GABRR1: variants seen among roughly 807,000 people sequenced by gnomAD.
GABRR1 encodes gamma-aminobutyric acid type A receptor subunit rho1, also known as gamma-aminobutyric acid receptor subunit rho-1.
Under a neutral mutation model 55.5 loss-of-function variants are expected in GABRR1, and 59 were observed. The ratio of observed to expected loss-of-function variants is 1.06; its 90% confidence interval spans 0.86 to 1.32. GABRR1 has a LOEUF of 1.32. GABRR1 is among the 40% of genes most tolerant of loss of function. The pLI, the probability that GABRR1 is intolerant of heterozygous loss-of-function variation, is 0.00. For missense variants in GABRR1, 602 were observed against 619.1 expected, an observed-to-expected ratio of 0.97 and a Z score of 0.29; for synonymous variants, 213 against 226.0, an observed-to-expected ratio of 0.94 and a Z score of 0.51.
chr6:89,198,395 G>T, intron 4 of GABRR1, 152 bp from the exon 5 acceptor site: 1 of 300,694 alleles, frequency 3.3e-6, no homozygotes, highest in East Asian at 8.1e-5. Context: ...GCTGCAGTAG[G>T]AGGAAGAGAA....
chr6:89,183,848 A>G (rs1771807837), intron 7 of GABRR1, among the ~76,000 whole-genome samples: 2 of 152,284 alleles, frequency 1.3e-5, no homozygotes, highest in South Asian at 4.1e-4. Flanking sequence ...TATAGTGGAC[A>G]CTGGAGACTC....
intron 3 of GABRR1, among the ~76,000 whole-genome samples, chr6:89,199,651 A>T (rs1229531074): frequency 3.9e-5 from 6 of 152,176 alleles, no homozygotes; most frequent in Non-Finnish European, 7.3e-5. Flanking sequence ...TCTTGGTTAT[A>T]TATGCTCATC....
chr6:89,196,822 GGAAAGAAAGAAAGAAAGAAAGAAAGAAA>G (rs59446411), intron 5 of GABRR1, among the ~76,000 whole-genome samples: 1,773 of 91,106 alleles, frequency 0.019, 38 homozygotes, highest in African/African-American at 0.069. Context: ...AAGAAAAGAA[GGAAAGAAAGAAAGAAAGAAAGAAAGAAA>G]GAAAGAAAGA....
chr6:89,223,387 T>A (rs144601396), intron 1 of GABRR1, among the ~76,000 whole-genome samples: 7 of 152,344 alleles, frequency 4.6e-5, no homozygotes, highest in Non-Finnish European at 7.3e-5. Context: ...ATTCATTCCT[T>A]TTTATGGCTG....
chr6:89,201,126 A>AAAGAGGACACCCT (rs775856586), intron 3 of GABRR1, 33 bp downstream of exon 3: 1 of 1,511,412 alleles, frequency 6.6e-7, no homozygotes, highest in African/African-American at 1.4e-5. Flanking sequence ...GGACCAGAAG[A>AAAGAGGACACCCT]AAGAGGACAC....
rs138224061 is a variant in GABRR1, at chr6:89,182,174, A to T, written c.797-117T>A. The T allele has an allele frequency of 2.6e-4, 240 of 939,796 alleles. No individual in the cohort carries two copies. In the African/African-American group the frequency reaches 3.4e-3, roughly 13 times the overall value. 58.2% of individuals were successfully genotyped at this position (939,796 alleles called of 1,614,324 possible). ...CAATGGACTCTTATCATGTCTTTAT[A>T]AGGTGAAATTGAGAGAAATCATGAA... is the stretch of plus-strand genomic sequence containing the variant. On this transcript the variant is annotated intron_variant, in intron 7 of 9. Transcript: ENST00000454853.
At chr6:89,205,294 C>T (rs1240692230) in intron 1 of GABRR1, among the ~76,000 whole-genome samples, 6 of 152,188 alleles carry the variant, frequency 3.9e-5, no homozygotes, top group African/African-American at 1.4e-4. Context: ...CCTCCCACTG[C>T]CAGGAAATTG....
At chr6:89,187,399 G>A (rs773705140) in intron 6 of GABRR1, among the ~76,000 whole-genome samples, 3 of 152,082 alleles carry the variant, frequency 2.0e-5, no homozygotes, top group Non-Finnish European at 4.4e-5. Context: ...CTTATGGTAG[G>A]ATACATCATT....
intron 1 of GABRR1, among the ~76,000 whole-genome samples, chr6:89,226,616 G>T (rs282139): frequency 0.47 from 42,395 of 90,022 alleles, 10,024 homozygotes; most frequent in Non-Finnish European, 0.54. Context: ...TCTGTTCCAT[G>T]GATCTATATC....
intron 5 of GABRR1, among the ~76,000 whole-genome samples, chr6:89,192,492 C>T (rs1308168189): frequency 2.6e-5 from 4 of 151,954 alleles, no homozygotes; most frequent in Non-Finnish European, 5.9e-5. Context: ...AATGCTTTCC[C>T]GAAAAAATTT....
chr6:89,212,101 C>A (rs1276810547), intron 1 of GABRR1: 1 of 582,160 alleles, frequency 1.7e-6, no homozygotes, highest in African/African-American at 4.3e-5. Context: ...AAACTCATCA[C>A]CTTCACCCCC....
At position 89,178,674 on chromosome 6, in the gene GABRR1, A is replaced by AC. The variant is rs1554188953; in HGVS notation, c.*95_*96insG. Reference sequence around the variant, plus strand: ...AGTGAAAACATGGGTGGGTCCTGGGATTTTTTTTTAACCATATCCTTAAAT... The same window carrying AC: ...AGTGAAAACATGGGTGGGTCCTGGGACTTTTTTTTTAACCATATCCTTAAAT... On this transcript the variant is annotated 3_prime_UTR_variant, in exon 10 of 10. Transcript: ENST00000454853. The AC allele has an allele frequency of 9.0e-7, 1 of 1,114,664 alleles. No individual in the cohort carries two copies. The highest frequency in any genetic ancestry group is 1.3e-6 in the Non-Finnish European group (1 of 784,888). 69.0% of individuals were successfully genotyped at this position (1,114,664 alleles called of 1,614,324 possible).
At chr6:89,219,819 C>T (rs2127810583), upstream of GABRR1, among the ~76,000 whole-genome samples, 1 of 152,280 alleles carries the variant, frequency 6.6e-6, no homozygotes, top group South Asian at 2.1e-4. Context: ...TTACTGGTCC[C>T]TTAACTAAAT....
At chr6:89,224,153 G>A (rs1381788594) in intron 1 of GABRR1, among the ~76,000 whole-genome samples, 1 of 151,834 alleles carries the variant, frequency 6.6e-6, no homozygotes, top group Non-Finnish European at 1.5e-5. Context: ...GCAGTGGCAT[G>A]ATCTTGGCTC....
chr6:89,193,203 G>A (rs755604878), intron 5 of GABRR1, among the ~76,000 whole-genome samples: 3 of 152,250 alleles, frequency 2.0e-5, no homozygotes, highest in East Asian at 1.9e-4. Flanking sequence ...GCTTTCATTC[G>A]TACAACTCCA....
intron 2 of GABRR1, among the ~76,000 whole-genome samples, chr6:89,202,190 T>A (rs530004067): frequency 6.6e-6 from 1 of 152,242 alleles, no homozygotes; most frequent in Non-Finnish European, 1.5e-5. Context: ...TTTTAGCAGT[T>A]GACAATTTTT....
chr6:89,204,588 G>T, intron 1 of GABRR1: 2 of 1,257,422 alleles, frequency 1.6e-6, no homozygotes, highest in South Asian at 1.3e-5. Context: ...GCTTGGCCCA[G>T]CTCTTACTTT....
chr6:89,192,684 C>T (rs1425775327), intron 5 of GABRR1, among the ~76,000 whole-genome samples: 2 of 151,968 alleles, frequency 1.3e-5, no homozygotes, highest in Non-Finnish European at 2.9e-5. Context: ...CCTCAGCCTC[C>T]TGAGTAGCTG....
intron 1 of GABRR1, among the ~76,000 whole-genome samples, chr6:89,210,740 A>G (rs1230116563): frequency 6.6e-6 from 1 of 152,204 alleles, no homozygotes; most frequent in Non-Finnish European, 1.5e-5. Context: ...CTTCATGAAC[A>G]TTCACCATTG....
Sources: allele counts gnomAD v4.1 joint callset (sites outside exome capture counted in the v4.1 genomes callset), GRCh38; gene constraint gnomAD v4.1.1; transcripts MANE v1.5; gene names NCBI Gene and HGNC (gene_info 2026-07-23, HGNC 2026-07-21).